The following KLHL1 variants were observed in gnomAD, a reference collection of about 807,000 sequenced individuals.
KLHL1 encodes the protein kelch like family member 1, also known as kelch-like protein 1.
KLHL1 carries 47 observed loss-of-function variants against 77.7 expected under a neutral mutation model. That is an observed-to-expected ratio of 0.60 (90% CI 0.48 to 0.77). The LOEUF (loss-of-function observed/expected upper bound fraction) is 0.77. KLHL1 is among the 30% of genes least tolerant of loss of function. KLHL1 has a pLI of 0.00. For synonymous variants in KLHL1, 360 were observed against 325.2 expected, an observed-to-expected ratio of 1.11 and a Z score of -1.15; for missense variants, 925 against 910.8, an observed-to-expected ratio of 1.02 and a Z score of -0.20.
At chr13:69,879,582 A>T (rs1880906390) in intron 5 of KLHL1, among the ~76,000 whole-genome samples, 1 of 152,188 alleles carries the variant, frequency 6.6e-6, no homozygotes, top group South Asian at 2.1e-4. Context: ...GCAGCAAAAA[A>T]TGTTTCCTGA....
chr13:70,067,685 A>C (rs1183488995), intron 1 of KLHL1, among the ~76,000 whole-genome samples: 5 of 152,158 alleles, frequency 3.3e-5, no homozygotes, highest in African/African-American at 1.2e-4. Flanking sequence ...TGTGGCTTTG[A>C]ATTCCATATC....
At position 69,750,680 on chromosome 13, in the gene KLHL1, A is replaced by G. The variant is rs1874439629; in HGVS notation, c.1640-10124T>C. Among the ~76,000 whole-genome samples, 3 of 151,988 alleles carry G rather than the reference A, an allele frequency of 2.0e-5. No individual in the cohort carries two copies. The South Asian group carries it at 6.2e-4, about 31-fold the overall frequency. ...ACTCATATACTATTTTAAAATGCTG[A>G]TCATGGGCCTAACACAATGTAGTGT... On this transcript the variant is annotated intron_variant, in intron 7 of 10. Transcript: ENST00000377844.
At chr13:69,878,713 G>T (rs60067514) in intron 5 of KLHL1, among the ~76,000 whole-genome samples, 25,482 of 133,964 alleles carry the variant, frequency 0.19, 2,178 homozygotes, top group African/African-American at 0.27. Flanking sequence ...TATATATATA[G>T]AGAGAGAGAG....
At chr13:69,781,642 T>C (rs892831787) in intron 7 of KLHL1, among the ~76,000 whole-genome samples, 20 of 152,190 alleles carry the variant, frequency 1.3e-4, no homozygotes, top group African/African-American at 2.2e-4. Flanking sequence ...ATGGGAGATA[T>C]TGTAATCATC....
chr13:69,878,509 C>A (rs1880852395), intron 5 of KLHL1, among the ~76,000 whole-genome samples: 1 of 152,026 alleles, frequency 6.6e-6, no homozygotes. Context: ...TCATCTCTTA[C>A]CTCACTGAGA....
At chr13:70,013,600 T>C (rs1236879267) in intron 1 of KLHL1, among the ~76,000 whole-genome samples, 1 of 151,988 alleles carries the variant, frequency 6.6e-6, no homozygotes, top group Non-Finnish European at 1.5e-5. Context: ...TAGTTAATTT[T>C]TTTTTCTGAG....
intron 7 of KLHL1, among the ~76,000 whole-genome samples, chr13:69,761,491 T>A (rs1300597087): frequency 1.3e-5 from 2 of 152,182 alleles, no homozygotes; most frequent in African/African-American, 4.8e-5. Flanking sequence ...AGGCTAAATT[T>A]GATGTAAGGA....
chr13:69,788,618 A>C (rs1876692076), intron 7 of KLHL1, among the ~76,000 whole-genome samples: 1 of 152,152 alleles, frequency 6.6e-6, no homozygotes, highest in Admixed American at 6.5e-5. Flanking sequence ...ATATGTAACA[A>C]ACCTGCACAT....
chr13:69,773,735 A>G (rs963340718), intron 7 of KLHL1, among the ~76,000 whole-genome samples: 3 of 151,798 alleles, frequency 2.0e-5, no homozygotes, highest in African/African-American at 7.2e-5. Flanking sequence ...AAAATTTCCT[A>G]TATTTCAGGC....
Position 70,099,101 on chromosome 13 carries a change from G to A in KLHL1, c.497+8102C>T, listed in dbSNP as rs182848159. 3.5e-3 allele frequency among the ~76,000 whole-genome samples: 528 copies of A among 151,896 alleles called. 3 individuals are homozygous for A. Among genetic ancestry groups the A allele is most frequent in the Middle Eastern group, 0.017 (5 of 292 alleles). ...TCTGGTAATAAATATTAAAAATATG[G>A]AATTTTACTTACACTATTCTCTCTG... On this transcript the variant is annotated intron_variant, in intron 1 of 10. Coordinates refer to ENST00000377844, the MANE Select transcript of KLHL1 (RefSeq NM_020866.3).
chr13:69,943,101 C>A (rs539404839), intron 3 of KLHL1, among the ~76,000 whole-genome samples: 2 of 151,024 alleles, frequency 1.3e-5, no homozygotes, highest in East Asian at 2.0e-4. Context: ...TTTCTTTTTT[C>A]TTTTTTGCAA....
At chr13:70,100,438 G>T (rs554132574) in intron 1 of KLHL1, among the ~76,000 whole-genome samples, 60 of 151,984 alleles carry the variant, frequency 3.9e-4, no homozygotes, top group Non-Finnish European at 7.7e-4. Context: ...ATAGACAATT[G>T]TATCTGCAAA....
intron 6 of KLHL1, among the ~76,000 whole-genome samples, chr13:69,818,217 A>ATTTTTTTTTTTTTTTTTTT (rs1878195724): frequency 4.0e-5 from 5 of 124,422 alleles, no homozygotes; most frequent in African/African-American, 1.9e-4. Flanking sequence ...ACTCATAGGC[A>ATTTTTTTTTTTTTTTTTTT]TCTTTTTTTT....
At chr13:69,997,811 C>T (rs1885195430) in intron 1 of KLHL1, among the ~76,000 whole-genome samples, 1 of 148,104 alleles carries the variant, frequency 6.8e-6, no homozygotes, top group African/African-American at 2.5e-5. Context: ...CTCACCTATT[C>T]TTTATTATAT....
intron 1 of KLHL1, among the ~76,000 whole-genome samples, chr13:69,982,053 A>C (rs1172996870): frequency 1.3e-5 from 2 of 152,270 alleles, no homozygotes; most frequent in East Asian, 3.9e-4. Context: ...CTTTGCAATG[A>C]AAGTTAAGTT....
Position 69,799,355 on chromosome 13 carries a change from G to A in KLHL1, c.1415-2393C>T, listed in dbSNP as rs142149199. 1.2e-4 allele frequency among the ~76,000 whole-genome samples: 18 copies of A among 152,248 alleles called. No homozygotes were observed. The East Asian group carries it at 2.9e-3, about 25-fold the overall frequency. ...AGGAATGAGTGAAATTAAGACTTCC[G>A]AGCAAGCAAAGGAGTTGCAATTCAA... is the stretch of plus-strand genomic sequence containing the variant. On this transcript the variant is annotated intron_variant, in intron 6 of 10. Transcript: ENST00000377844.
intron 4 of KLHL1, among the ~76,000 whole-genome samples, chr13:69,921,763 T>C (rs1324249441): frequency 6.6e-6 from 1 of 152,086 alleles, no homozygotes; most frequent in Admixed American, 6.6e-5. Flanking sequence ...AAAATTAGTG[T>C]CTAATGAGAA....
At chr13:69,715,771 A>G (rs7993163) in intron 9 of KLHL1, among the ~76,000 whole-genome samples, 13,037 of 152,154 alleles carry the variant, frequency 0.086, 742 homozygotes, top group African/African-American at 0.16. Flanking sequence ...GCACTCATGC[A>G]GCTGACTCCA....
At chr13:69,883,597 G>T (rs1881084256) in intron 4 of KLHL1, among the ~76,000 whole-genome samples, 1 of 152,184 alleles carries the variant, frequency 6.6e-6, no homozygotes. Flanking sequence ...ATTTTAAGCT[G>T]TAAGACCCTG....
Sources: gnomAD v4.1 joint callset for allele counts (sites outside exome capture counted in the v4.1 genomes callset) on GRCh38, gnomAD v4.1.1 for gene constraint, MANE v1.5 for transcripts, NCBI Gene and HGNC (gene_info 2026-07-23, HGNC 2026-07-21) for gene names.